GALNT13: variants seen among roughly 807,000 people sequenced by gnomAD.
The protein encoded by GALNT13 is polypeptide N-acetylgalactosaminyltransferase 13, also known as UDP-GalNAc:polypeptide N-acetylgalactosaminyltransferase 13.
A neutral mutation model predicts 64.2 loss-of-function variants in GALNT13; 28 were observed. The ratio of observed to expected loss-of-function variants is 0.44; its 90% CI spans 0.32 to 0.60. The LOEUF (loss-of-function observed/expected upper bound fraction) is 0.60, where lower values mean the gene tolerates loss of function less well. Among genes scored for constraint, GALNT13 ranks in the 20% least tolerant of loss-of-function variants. The pLI, the probability that GALNT13 is intolerant of heterozygous loss-of-function variation, is 0.05. For synonymous variants in GALNT13, 214 were observed against 224.6 expected, an observed-to-expected ratio of 0.95 and a Z score of 0.42; for missense variants, 577 against 669.8, an observed-to-expected ratio of 0.86 and a Z score of 1.53.
chr2:153,905,956 G>A (rs1688532385), intron 2 of GALNT13, among the ~76,000 whole-genome samples: 1 of 151,940 alleles, frequency 6.6e-6, no homozygotes, highest in Admixed American at 6.6e-5. Context: ...GAGGATGCTG[G>A]ACAAAGGAAT....
Position 153,944,643 on chromosome 2 carries a change from A to G in GALNT13, c.142+4A>G, listed in dbSNP as rs1240953058. ...TCTCTGCTGCCTGCATTGAGGGGTA[A>G]GTGCTTATGAAGCAAATACTGTCTT... is the stretch of plus-strand genomic sequence containing the variant. On this transcript the variant is annotated splice_donor_region_variant and intron_variant, in intron 3 of 12. Transcript: ENST00000392825. 6.2e-7 allele frequency: 1 copy of G among 1,611,314 alleles called. No individual in the cohort carries two copies. The highest frequency in any genetic ancestry group is 1.3e-5 in the African/African-American group (1 of 74,856).
the GALNT13 span, among the ~76,000 whole-genome samples, chr2:153,254,155 T>C: frequency 9.2e-4 from 140 of 152,334 alleles, no homozygotes; most frequent in East Asian, 9.6e-4. Context: ...ATCCTGTTAT[T>C]GGTCTATTCA....
At chr2:153,408,205 A>G in the GALNT13 span, among the ~76,000 whole-genome samples, 1 of 152,134 alleles carries the variant, frequency 6.6e-6, no homozygotes, top group Non-Finnish European at 1.5e-5. Flanking sequence ...TTAGAAAGAG[A>G]CTATGGCTCA....
chr2:153,562,198 T>C, the GALNT13 span, among the ~76,000 whole-genome samples: 1 of 152,046 alleles, frequency 6.6e-6, no homozygotes. Flanking sequence ...TATGCTCATT[T>C]ACTAAAAAAA....
At chr2:153,103,329 C>G in the GALNT13 span, among the ~76,000 whole-genome samples, 1 of 152,120 alleles carries the variant, frequency 6.6e-6, no homozygotes, top group Non-Finnish European at 1.5e-5. Context: ...CTTGTTGTTC[C>G]TCTTGCATAG....
intron 2 of GALNT13, among the ~76,000 whole-genome samples, chr2:153,915,271 A>G (rs1161958044): frequency 6.6e-6 from 1 of 152,040 alleles, no homozygotes; most frequent in Non-Finnish European, 1.5e-5. Context: ...ATTAGAGAAA[A>G]TTTTGGGGAA....
At chr2:153,530,435 G>T in the GALNT13 span, among the ~76,000 whole-genome samples, 1 of 151,964 alleles carries the variant, frequency 6.6e-6, no homozygotes, top group East Asian at 1.9e-4. Flanking sequence ...TATTAATTTT[G>T]TCCATACTCC....
chr2:153,597,228 C>T, the GALNT13 span, among the ~76,000 whole-genome samples: 29 of 151,964 alleles, frequency 1.9e-4, no homozygotes, highest in Admixed American at 5.9e-4. Context: ...TATTTCAGTA[C>T]GGTCACAGCA....
intron 5 of GALNT13, 30 bp downstream of exon 5, chr2:154,242,226 G>C: frequency 6.3e-7 from 1 of 1,589,348 alleles, no homozygotes; most frequent in South Asian, 1.2e-5. Flanking sequence ...TTTTGTTTTT[G>C]TTTTTTTGTT....
chr2:153,153,073 G>A, the GALNT13 span, among the ~76,000 whole-genome samples: 128 of 151,864 alleles, frequency 8.4e-4, no homozygotes, highest in Middle Eastern at 3.4e-3. Flanking sequence ...AGCATCTGTT[G>A]TTGACTTTCT....
chr2:153,324,309 G>A, the GALNT13 span, among the ~76,000 whole-genome samples: 32 of 152,266 alleles, frequency 2.1e-4, no homozygotes, highest in African/African-American at 7.7e-4. Flanking sequence ...TATTATTGGT[G>A]TATAGGAATG....
chr2:153,732,540 C>A, the GALNT13 span, among the ~76,000 whole-genome samples: 2 of 151,988 alleles, frequency 1.3e-5, no homozygotes, highest in East Asian at 3.9e-4. Flanking sequence ...TCTACCCTAG[C>A]ACCTTTAAGA....
the GALNT13 span, among the ~76,000 whole-genome samples, chr2:153,369,902 G>A: frequency 5.9e-5 from 9 of 152,168 alleles, no homozygotes; most frequent in African/African-American, 1.2e-4. Context: ...GCTGCTTCAT[G>A]AGAGATTATG....
chr2:153,165,583 C>T, the GALNT13 span, among the ~76,000 whole-genome samples: 8 of 152,134 alleles, frequency 5.3e-5, no homozygotes, highest in Non-Finnish European at 8.8e-5. Context: ...TCTGGCAATG[C>T]CTTTTTGAGC....
chr2:153,415,181 G>C, the GALNT13 span, among the ~76,000 whole-genome samples: 1 of 152,114 alleles, frequency 6.6e-6, no homozygotes, highest in Non-Finnish European at 1.5e-5. Context: ...TCTTCCAGGT[G>C]CTACAAAAGC....
chr2:154,069,346 G>A (rs1700628611), intron 3 of GALNT13, among the ~76,000 whole-genome samples: 1 of 151,776 alleles, frequency 6.6e-6, no homozygotes, highest in South Asian at 2.1e-4. Flanking sequence ...TGTACTGTTA[G>A]AGACTAGCAG....
chr2:153,168,022 C>A, the GALNT13 span, among the ~76,000 whole-genome samples: 1 of 152,114 alleles, frequency 6.6e-6, no homozygotes, highest in Non-Finnish European at 1.5e-5. Flanking sequence ...CAAGATTTAG[C>A]CATGTTAAGT....
chr2:154,335,432 G>A (rs1417743623), intron 9 of GALNT13, among the ~76,000 whole-genome samples: 2 of 151,876 alleles, frequency 1.3e-5, no homozygotes, highest in African/African-American at 4.8e-5. Context: ...TTCCAAATGT[G>A]TTTTCTCCCC....
chr2:153,511,994 T>G, the GALNT13 span, among the ~76,000 whole-genome samples: 1 of 152,092 alleles, frequency 6.6e-6, no homozygotes, highest in South Asian at 2.1e-4. Context: ...GAAGGCACAG[T>G]TATTGGTAAT....
Sources: allele counts gnomAD v4.1 joint callset (sites outside exome capture counted in the v4.1 genomes callset), GRCh38; gene constraint gnomAD v4.1.1; transcripts MANE v1.5; gene names NCBI Gene and HGNC (gene_info 2026-07-23, HGNC 2026-07-21).